The following GAPVD1 variants were observed in gnomAD, a reference collection of about 807,000 sequenced individuals.
GAPVD1 encodes the protein GTPase activating protein and VPS9 domains 1.
In GAPVD1, 35 loss-of-function variants were observed where a neutral mutation model predicts 155.5. The ratio of observed to expected loss-of-function variants is 0.23; its 90% CI spans 0.17 to 0.30. GAPVD1 has a LOEUF of 0.30. Among genes scored for constraint, GAPVD1 ranks in the 10% least tolerant of loss-of-function variants. The pLI is 1.00. For missense variants in GAPVD1, 1,429 were observed against 1,775.7 expected (o/e 0.80, Z 3.51); for synonymous variants, 636 against 619.7 (o/e 1.03, Z -0.39).
At chr9:125,341,312 G>A in intron 18 of GAPVD1, 48 bp downstream of exon 18, 1 of 931,230 alleles carries the variant, frequency 1.1e-6, no homozygotes, top group Non-Finnish European at 1.7e-6. Flanking sequence ...AAGAAGCAAA[G>A]CCCCAGAATC....
intron 20 of GAPVD1, 143 bp from the exon 21 acceptor site, chr9:125,349,247 T>C (rs1208032151): frequency 1.6e-6 from 1 of 643,352 alleles, no homozygotes; most frequent in African/African-American, 1.8e-5. Context: ...TATTTGAAGT[T>C]TGTTTTTTCT....
rs759821547 is a variant in GAPVD1, at chr9:125,312,458, G to A, written c.1448G>A (p.Arg483Gln). The A allele has an allele frequency of 3.8e-6, 6 of 1,575,866 alleles. No homozygotes were observed. The highest frequency in any genetic ancestry group is 3.6e-5 in the South Asian group (3 of 82,712). The change falls in exon 9 of 28, where the codon CGG becomes CAG. Residue 483 changes from arginine (R) to glutamine (Q), a missense_variant. This residue lies in a region of GAPVD1 where 628 missense variants were observed against 733.4 expected (regional missense o/e 0.86). Transcript: ENST00000297933. Reference sequence around the variant, plus strand: ...ATTTGAAATTTTTTATTAGCAACTCGGAGCAGAAGCCGCACCAATATGCTA... The same window carrying A: ...ATTTGAAATTTTTTATTAGCAACTCAGAGCAGAAGCCGCACCAATATGCTA... Reference protein sequence around the residue: ...NKKNRLPIATRSRSRTNMLMD... With the variant: ...NKKNRLPIATQSRSRTNMLMD...
At chr9:125,347,377 T>G (rs905192742) in intron 20 of GAPVD1, among the ~76,000 whole-genome samples, 1 of 152,176 alleles carries the variant, frequency 6.6e-6, no homozygotes, top group African/African-American at 2.4e-5. Flanking sequence ...ACTGAATAGC[T>G]TTCAGAAAAA....
At chr9:125,286,977 G>C (rs957275485) in intron 2 of GAPVD1, among the ~76,000 whole-genome samples, 1 of 151,908 alleles carries the variant, frequency 6.6e-6, no homozygotes, top group South Asian at 2.1e-4. Context: ...CTAGCTACTC[G>C]GGAGGCTGAG....
chr9:125,320,619 A>G (rs999241660), intron 9 of GAPVD1, among the ~76,000 whole-genome samples: 2 of 151,964 alleles, frequency 1.3e-5, no homozygotes, highest in Admixed American at 6.6e-5. Context: ...AATTTTATTT[A>G]TTGATTTTTT....
intron 9 of GAPVD1, among the ~76,000 whole-genome samples, chr9:125,317,760 G>A (rs569876121): frequency 6.7e-6 from 1 of 150,198 alleles, no homozygotes; most frequent in South Asian, 2.1e-4. Flanking sequence ...CACGGACAAA[G>A]AACTAAAGAA....
intron 12 of GAPVD1, among the ~76,000 whole-genome samples, chr9:125,329,831 G>A (rs533950493): frequency 6.6e-6 from 1 of 152,130 alleles, no homozygotes; most frequent in African/African-American, 2.4e-5. Context: ...ACCGGTGCAC[G>A]CCACCATACC....
chr9:125,350,778 C>G lies in GAPVD1; in HGVS notation c.3475C>G (p.Leu1159Val). Residue 1159 changes from leucine (L) to valine (V), a missense_variant, in exon 23 of 28, where the codon CTA (leucine) becomes GTA (valine). This residue lies in a region of GAPVD1 where 699 missense variants were observed against 826.0 expected (regional missense o/e 0.85). Coordinates refer to ENST00000297933, the MANE Select transcript of GAPVD1 (RefSeq NM_001282680.3). ...AEAINLQDKN[L>V]MAQLQETMRC... is the part of the protein sequence containing the mutation. ...AGCAATTAATTTACAAGATAAGAAT[C>G]TAATGGCTCAACTTCAAGAAACAAT... 6.3e-7 allele frequency: 1 copy of G among 1,598,250 alleles called. No individual in the cohort carries two copies. The highest frequency in any genetic ancestry group is 1.3e-5 in the African/African-American group (1 of 74,772).
At chr9:125,264,484 C>T (rs966636945) in intron 1 of GAPVD1, among the ~76,000 whole-genome samples, 7 of 152,018 alleles carry the variant, frequency 4.6e-5, no homozygotes, top group South Asian at 2.1e-4. Flanking sequence ...TGTGAGCCAC[C>T]GCGTCCTGCC....
In GAPVD1 at chr9:125,301,975, T is replaced by A; in HGVS notation, c.186-8T>A. 6.5e-7 allele frequency: 1 copy of A among 1,527,032 alleles called. No individual in the cohort carries two copies. Among genetic ancestry groups the A allele is most frequent in the East Asian group, 2.3e-5 (1 of 44,322 alleles). The allele number at this position is 1,527,032 out of a possible 1,614,324, so 94.6% of individuals were successfully genotyped here. The stretch of plus-strand genomic sequence containing the variant: ...TTGCTTGTTTGCTCTTTTTTTTTTT[T>A]TTTTTAGTGCTGAAGCTTCCCCTGC... On this transcript the variant is annotated splice_region_variant and splice_polypyrimidine_tract_variant and intron_variant, in intron 4 of 27. Transcript: ENST00000297933.
intron 15 of GAPVD1, among the ~76,000 whole-genome samples, chr9:125,336,290 C>CAAAAAA (rs34270139): frequency 7.7e-6 from 1 of 129,178 alleles, no homozygotes; most frequent in Non-Finnish European, 1.7e-5. Context: ...AGCTTGAGAC[C>CAAAAAA]AAAAAAAAAA....
At chr9:125,341,084 C>G (rs982091129) in intron 17 of GAPVD1, 93 bp from the exon 18 acceptor site, 6 of 782,034 alleles carry the variant, frequency 7.7e-6, no homozygotes, top group Non-Finnish European at 1.4e-5. Flanking sequence ...GATCCTATCT[C>G]AAAACAAAAC....
At chr9:125,322,128 A>G (rs1225751713) in intron 10 of GAPVD1, among the ~76,000 whole-genome samples, 1 of 151,886 alleles carries the variant, frequency 6.6e-6, no homozygotes, top group Non-Finnish European at 1.5e-5. Flanking sequence ...GCAGTGTCGC[A>G]ATCTCGGCTC....
chr9:125,292,098 C>T (rs137859402), intron 2 of GAPVD1, among the ~76,000 whole-genome samples: 1 of 152,086 alleles, frequency 6.6e-6, no homozygotes, highest in East Asian at 1.9e-4. Flanking sequence ...TAAAAATTAG[C>T]TGGCTGTAGT....
intron 3 of GAPVD1, among the ~76,000 whole-genome samples, chr9:125,296,554 A>T (rs1839909494): frequency 6.6e-6 from 1 of 150,472 alleles, no homozygotes; most frequent in Admixed American, 6.6e-5. Flanking sequence ...AGGTTTCTCC[A>T]TGATGGTCAG....
intron 2 of GAPVD1, among the ~76,000 whole-genome samples, chr9:125,279,888 G>A (rs943300433): frequency 4.5e-4 from 68 of 151,050 alleles, no homozygotes; most frequent in African/African-American, 1.5e-3. Flanking sequence ...AGCCTCCTGA[G>A]TAGTTGGGAT....
At chr9:125,321,027 ATACTGT>A (rs1421615961) in intron 9 of GAPVD1, among the ~76,000 whole-genome samples, 1 of 152,220 alleles carries the variant, frequency 6.6e-6, no homozygotes. Flanking sequence ...CATGGCATAC[ATACTGT>A]TACTGTCACC....
Position 125,305,143 on chromosome 9 carries a change from T to C in GAPVD1, c.1110T>C (p.Phe370=), listed in dbSNP as rs543676577. The part of the protein sequence containing the change: ...DPRTKSSLGK[F]DKSCVAAFLD... ...GAACAAAGAGCAGCCTTGGAAAGTT[T>C]GACAAAGTAAGAATAAATATGATTT... is the stretch of plus-strand genomic sequence containing the variant. Residue 370 remains phenylalanine, a synonymous_variant, in exon 6 of 28, where the codon TTT becomes TTC. Coordinates refer to ENST00000297933, the MANE Select transcript of GAPVD1 (RefSeq NM_001282680.3). The C allele has an allele frequency of 2.5e-6, 4 of 1,605,018 alleles. No homozygotes were observed. Among genetic ancestry groups the C allele is most frequent in the African/African-American group, 2.7e-5 (2 of 74,772 alleles).
chr9:125,362,531 G>A (rs1851094599), intron 27 of GAPVD1, 75 bp from the exon 28 acceptor site: 11 of 1,174,652 alleles, frequency 9.4e-6, no homozygotes, highest in South Asian at 5.2e-5. Context: ...AAGAACATTC[G>A]AAGAACACTT....
Sources: gnomAD v4.1 joint callset for allele counts (sites outside exome capture counted in the v4.1 genomes callset) on GRCh38, gnomAD v4.1.1 for gene constraint, gnomAD v4.1.1 regional missense constraint, MANE v1.5 for transcripts, NCBI Gene and HGNC (gene_info 2026-07-23, HGNC 2026-07-21) for gene names.